The following ATP5MK variants were observed in gnomAD, a reference collection of about 807,000 sequenced individuals.
ATP5MK encodes ATP synthase F(0) complex subunit k, mitochondrial.
In ATP5MK, 5 loss-of-function variants were observed where a neutral mutation model predicts 6.6. The observed-to-expected ratio is 0.76, with a 90% CI of 0.40 to 1.60. ATP5MK has a LOEUF of 1.60. Ranked by LOEUF, ATP5MK falls within the 40% of genes most tolerant of loss-of-function variation. ATP5MK has a pLI of 0.02. For synonymous variants in ATP5MK, 30 were observed against 24.5 expected (o/e 1.22, Z -0.66); for missense variants, 57 against 66.6 (o/e 0.86, Z 0.50).
intron 4 of ATP5MK, among the ~76,000 whole-genome samples, chr10:103,391,527 G>A (rs1288007140): frequency 6.6e-6 from 1 of 151,016 alleles, no homozygotes; most frequent in Non-Finnish European, 1.5e-5. Flanking sequence ...TTTTTTTTGA[G>A]ACAAAGTCTT....
intron 2 of ATP5MK, among the ~76,000 whole-genome samples, chr10:103,395,408 C>G (rs1430664106): frequency 6.6e-6 from 1 of 152,232 alleles, no homozygotes; most frequent in East Asian, 1.9e-4. Context: ...AGCGGTTCTC[C>G]TGCCTCAGCC....
At chr10:103,390,405 G>A (rs2093410797) in intron 4 of ATP5MK, among the ~76,000 whole-genome samples, 1 of 150,946 alleles carries the variant, frequency 6.6e-6, no homozygotes, top group African/African-American at 2.4e-5. Context: ...GAGGCGGGAG[G>A]GTCACTTGAG....
intron 2 of ATP5MK, among the ~76,000 whole-genome samples, chr10:103,395,491 T>A (rs1246417764): frequency 6.6e-6 from 1 of 151,896 alleles, no homozygotes; most frequent in African/African-American, 2.4e-5. Context: ...AGGGACGGGG[T>A]TTCACCATAC....
chr10:103,392,053 A>T (rs2093416077), intron 4 of ATP5MK, 138 bp downstream of exon 4: 2 of 703,566 alleles, frequency 2.8e-6, no homozygotes, highest in Non-Finnish European at 4.7e-6. Flanking sequence ...GAGCCACTAT[A>T]CTAGGCCTCT....
At chr10:103,391,738 C>T (rs1170198985) in intron 4 of ATP5MK, among the ~76,000 whole-genome samples, 1 of 152,072 alleles carries the variant, frequency 6.6e-6, no homozygotes, top group African/African-American at 2.4e-5. Flanking sequence ...AAACTCCTGA[C>T]CTCAGGTGAT....
chr10:103,392,131 AG>A lies in ATP5MK; in HGVS notation c.*3+59del, dbSNP rs1297814708. The A allele has an allele frequency of 4.1e-6, 6 of 1,462,248 alleles. No homozygotes were observed. In the African/African-American group the frequency reaches 8.6e-5, roughly 21 times the overall value. The allele number at this position is 1,462,248 out of a possible 1,614,324, so 90.6% of individuals were successfully genotyped here. ...ATGGTTTATTTTTATACTAAATGTT[AG>A]GGAAAAATCCTAACATCAAAATGGC... On this transcript the variant is annotated intron_variant, in intron 4 of 4. Coordinates refer to ENST00000369815, the MANE Select transcript of ATP5MK (RefSeq NM_001206427.2).
Position 103,392,533 on chromosome 10 carries a change from G to C in ATP5MK, c.-9-67C>G, listed in dbSNP as rs1337363008. The C allele has an allele frequency of 9.2e-6, 12 of 1,302,598 alleles. No homozygotes were observed. In the East Asian group the frequency reaches 2.7e-4, roughly 29 times the overall value. The allele number at this position is 1,302,598 out of a possible 1,614,324, so 80.7% of individuals were successfully genotyped here. ...TGTAATTTAAAAGTAAATAAATTTT[G>C]TCTTGTTTTAGTCTAAAAACTCAAG... is the stretch of plus-strand genomic sequence containing the variant. On this transcript the variant is annotated intron_variant, in intron 2 of 4. Transcript: ENST00000369815.
chr10:103,392,007 C>T (rs559133062), intron 4 of ATP5MK, among the ~76,000 whole-genome samples, 184 bp downstream of exon 4: 41 of 152,086 alleles, frequency 2.7e-4, no homozygotes, highest in African/African-American at 9.6e-4. Context: ...GTCATCTGCC[C>T]GCCTTGGCCT....
chr10:103,395,396 C>T (rs1376258172), intron 2 of ATP5MK, among the ~76,000 whole-genome samples: 2 of 152,214 alleles, frequency 1.3e-5, no homozygotes, highest in Non-Finnish European at 2.9e-5. Flanking sequence ...TTCCCGGGGT[C>T]AAGCGGTTCT....
At chr10:103,392,512 A>C (rs1363191793) in intron 2 of ATP5MK, 46 bp from the exon 3 acceptor site, 12 of 1,422,140 alleles carry the variant, frequency 8.4e-6, no homozygotes, top group Admixed American at 2.2e-5. Context: ...TTTGGATGTA[A>C]TTTAAAAGTA....
intron 2 of ATP5MK, among the ~76,000 whole-genome samples, chr10:103,395,337 G>T (rs1250324665): frequency 1.3e-5 from 2 of 152,180 alleles, no homozygotes; most frequent in African/African-American, 4.8e-5. Flanking sequence ...TCGCTCTGTC[G>T]TCCAGGCTGG....
At chr10:103,392,156 G>T in intron 4 of ATP5MK, 35 bp downstream of exon 4, 2 of 1,547,198 alleles carry the variant, frequency 1.3e-6, no homozygotes, top group Non-Finnish European at 1.8e-6. Flanking sequence ...CATCAAAATG[G>T]CTAAATTATA....
intron 2 of ATP5MK, chr10:103,394,413 G>A (rs772156316): frequency 3.4e-5 from 17 of 502,262 alleles, no homozygotes; most frequent in South Asian, 2.2e-4. Flanking sequence ...AATGGAAGAG[G>A]GAGATATCTG....
intron 4 of ATP5MK, among the ~76,000 whole-genome samples, chr10:103,390,089 T>TA (rs959804062): frequency 1.3e-5 from 2 of 152,090 alleles, no homozygotes; most frequent in African/African-American, 4.8e-5. Flanking sequence ...GTAATTAATA[T>TA]AAAAAATTGG....
intron 2 of ATP5MK, chr10:103,394,067 A>G (rs2093422643): frequency 4.2e-6 from 1 of 237,470 alleles, no homozygotes; most frequent in Non-Finnish European, 8.8e-6. Flanking sequence ...ATCTATTTTA[A>G]TAAGGCTTCT....
intron 3 of ATP5MK, 28 bp downstream of exon 3, chr10:103,392,343 A>G (rs766581056): frequency 8.2e-6 from 13 of 1,592,902 alleles, no homozygotes; most frequent in South Asian, 6.9e-5. Context: ...ATTTTAAAAT[A>G]TAACTGCTTA....
In ATP5MK at chr10:103,392,257, A is replaced by G. The variant is rs748806783; in HGVS notation, c.114T>C (p.Ile38=). The part of the protein sequence containing the change: ...MNCVLATYGS[I]ALIVLYFKLR... ...ACTTGAAATATAAGACAATCAATGC[A>G]ATGCTTCCATATGTGGCCAGTACAC... Residue 38 remains isoleucine, a synonymous_variant, in exon 4 of 5, where the codon ATT becomes ATC. Transcript: ENST00000369815. 1.2e-5 allele frequency: 20 copies of G among 1,613,580 alleles called. No individual in the cohort carries two copies. The highest frequency in any genetic ancestry group is 1.7e-5 in the Non-Finnish European group (20 of 1,179,912).
At chr10:103,394,350 A>G in intron 2 of ATP5MK, 1 of 532,700 alleles carries the variant, frequency 1.9e-6, no homozygotes, top group Middle Eastern at 3.2e-4. Context: ...GAGCCGGTCG[A>G]GGTCCGGTCG....
chr10:103,393,850 C>G (rs1294827533), intron 2 of ATP5MK, among the ~76,000 whole-genome samples: 1 of 152,178 alleles, frequency 6.6e-6, no homozygotes, highest in Non-Finnish European at 1.5e-5. Flanking sequence ...AAACGACACA[C>G]AACAGGCACA....
Sources: allele counts gnomAD v4.1 joint callset (sites outside exome capture counted in the v4.1 genomes callset), GRCh38; gene constraint gnomAD v4.1.1; transcripts MANE v1.5; gene names NCBI Gene and HGNC (gene_info 2026-07-23, HGNC 2026-07-21).